NAALADL2: variants seen among roughly 807,000 people sequenced by gnomAD.
NAALADL2 encodes the protein N-acetylated alpha-linked acidic dipeptidase like 2.
NAALADL2 carries 76 observed loss-of-function variants against 87.2 expected under a neutral mutation model. The observed-to-expected ratio is 0.87, with a 90% CI of 0.72 to 1.05. NAALADL2 has a LOEUF of 1.05. Among genes scored for constraint, NAALADL2 ranks in the 50% least tolerant of loss-of-function variants. The probability of loss-of-function intolerance (pLI) is 0.00; values close to 1 mark genes in which losing one functional copy is unlikely to be tolerated. For missense variants in NAALADL2, 1,089 were observed against 945.8 expected, an observed-to-expected ratio of 1.15 and a Z score of -1.99; for synonymous variants, 354 against 331.0, an observed-to-expected ratio of 1.07 and a Z score of -0.75.
intron 5 of NAALADL2, among the ~76,000 whole-genome samples, chr3:175,438,008 A>G (rs576366264): frequency 6.6e-6 from 1 of 152,052 alleles, no homozygotes; most frequent in Non-Finnish European, 1.5e-5. Flanking sequence ...GTGAACATCT[A>G]TGTCTTTATT....
At chr3:174,776,653 A>C (rs948100628) in intron 3 of NAALADL2, among the ~76,000 whole-genome samples, 1 of 152,176 alleles carries the variant, frequency 6.6e-6, no homozygotes, top group African/African-American at 2.4e-5. Context: ...ACAGATGATC[A>C]GTTATATTGC....
intron 1 of NAALADL2, among the ~76,000 whole-genome samples, chr3:174,477,844 T>C (rs1461395158): frequency 6.6e-6 from 1 of 152,212 alleles, no homozygotes; most frequent in Non-Finnish European, 1.5e-5. Context: ...CCTAAGCAAC[T>C]ATACAAGTAC....
chr3:174,753,390 T>G (rs547306449), intron 3 of NAALADL2, among the ~76,000 whole-genome samples: 1 of 152,368 alleles, frequency 6.6e-6, no homozygotes, highest in Admixed American at 6.5e-5. Context: ...CCTTTTTTTC[T>G]TAAGGATTTT....
At chr3:174,615,598 CTT>C (rs1720380852) in intron 2 of NAALADL2, among the ~76,000 whole-genome samples, 1 of 152,032 alleles carries the variant, frequency 6.6e-6, no homozygotes, top group African/African-American at 2.4e-5. Context: ...GTTTGCTTTT[CTT>C]AGGGATCTAT....
chr3:174,807,778 A>G (rs1358227071), intron 3 of NAALADL2, among the ~76,000 whole-genome samples: 1 of 152,048 alleles, frequency 6.6e-6, no homozygotes, highest in African/African-American at 2.4e-5. Context: ...ATGTAAAGAT[A>G]CCTTGTATTT....
intron 13 of NAALADL2, among the ~76,000 whole-genome samples, chr3:175,779,557 G>A (rs559262786): frequency 6.6e-6 from 1 of 152,002 alleles, no homozygotes; most frequent in African/African-American, 2.4e-5. Flanking sequence ...CAGTATTCAG[G>A]TGAACCTCAC....
chr3:174,647,642 G>A (rs966435485), intron 2 of NAALADL2, among the ~76,000 whole-genome samples: 2 of 152,156 alleles, frequency 1.3e-5, no homozygotes, highest in Admixed American at 6.5e-5. Context: ...CTGGGTGTGG[G>A]GAACCTGACT....
At chr3:175,262,268 C>T (rs1461248) in intron 4 of NAALADL2, among the ~76,000 whole-genome samples, 82,558 of 151,696 alleles carry the variant, frequency 0.54, 22,673 homozygotes, top group South Asian at 0.67. Flanking sequence ...ATTTGCATAC[C>T]TGTGATATTT....
At chr3:175,774,533 A>T (rs958432964) in intron 13 of NAALADL2, among the ~76,000 whole-genome samples, 2 of 152,130 alleles carry the variant, frequency 1.3e-5, no homozygotes, top group South Asian at 4.1e-4. Context: ...TAAAGTAGAT[A>T]TAAGTAGTTA....
rs908160400 is a variant in NAALADL2 at position 175,316,753 on chromosome 3, C to T, written c.940-7422C>T. Reference sequence around the variant, plus strand: ...TCCAGAGTAGCATATTTTTTCTGAACATTTTAGACAACCCCAACCTCAGCA... The same window carrying T: ...TCCAGAGTAGCATATTTTTTCTGAATATTTTAGACAACCCCAACCTCAGCA... On this transcript the variant is annotated intron_variant, in intron 4 of 13. Transcript: ENST00000454872. 2.0e-5 allele frequency among the ~76,000 whole-genome samples: 3 copies of T among 152,210 alleles called. No homozygotes were observed. The South Asian group carries it at 6.2e-4, about 32-fold the overall frequency.
intron 1 of NAALADL2, among the ~76,000 whole-genome samples, chr3:174,543,016 G>A (rs190245762): frequency 1.3e-5 from 2 of 152,248 alleles, no homozygotes; most frequent in East Asian, 3.9e-4. Flanking sequence ...AAATTTGTGG[G>A]ATTACCCATC....
chr3:175,608,402 T>C (rs1028727473), intron 10 of NAALADL2, among the ~76,000 whole-genome samples: 2 of 151,876 alleles, frequency 1.3e-5, no homozygotes, highest in South Asian at 4.2e-4. Flanking sequence ...AAATTTATTA[T>C]AAGCAGTTTA....
At chr3:175,423,028 A>AAAAAAAAAAAAAT (rs1438736874) in intron 5 of NAALADL2, among the ~76,000 whole-genome samples, 39 of 111,290 alleles carry the variant, frequency 3.5e-4, no homozygotes, top group African/African-American at 1.3e-3. Flanking sequence ...GAAAAAAAAA[A>AAAAAAAAAAAAAT]ATATATATAT....
chr3:175,235,386 AT>A (rs1745663899), intron 3 of NAALADL2: 1 of 152,194 alleles, frequency 6.6e-6, no homozygotes, highest in Admixed American at 6.5e-5. Context: ...CCACCTTGAA[AT>A]GTCTTACCAT....
chr3:174,664,519 G>A (rs1264056691), intron 2 of NAALADL2, among the ~76,000 whole-genome samples: 1 of 152,096 alleles, frequency 6.6e-6, no homozygotes, highest in African/African-American at 2.4e-5. Context: ...AATGGATGTT[G>A]TCATAAATAT....
intron 11 of NAALADL2, among the ~76,000 whole-genome samples, chr3:175,684,292 C>T (rs922298123): frequency 3.9e-4 from 59 of 152,058 alleles, no homozygotes; most frequent in African/African-American, 1.4e-3. Flanking sequence ...TATCAAGTTA[C>T]ATCAGATTAA....
At chr3:175,414,470 G>A (rs1359643971) in intron 5 of NAALADL2, among the ~76,000 whole-genome samples, 2 of 151,922 alleles carry the variant, frequency 1.3e-5, no homozygotes, top group Non-Finnish European at 2.9e-5. Context: ...TTTACACCTT[G>A]AAATGTTTTG....
chr3:175,589,011 C>A (rs1003346656), intron 10 of NAALADL2, among the ~76,000 whole-genome samples: 17 of 151,850 alleles, frequency 1.1e-4, no homozygotes, highest in African/African-American at 3.9e-4. Flanking sequence ...GTATACATAC[C>A]AAAATATTTT....
intron 1 of NAALADL2, among the ~76,000 whole-genome samples, chr3:175,013,755 T>C (rs1750462250): frequency 6.6e-6 from 1 of 152,116 alleles, no homozygotes. Context: ...CTTCTTTATA[T>C]ACAACTCTCC....
Sources: allele counts gnomAD v4.1 joint callset (sites outside exome capture counted in the v4.1 genomes callset), GRCh38; gene constraint gnomAD v4.1.1; transcripts MANE v1.5; gene names NCBI Gene and HGNC (gene_info 2026-07-23, HGNC 2026-07-21).